Variants in HMG20A observed in about 807,000 individuals in gnomAD.
HMG20A encodes high mobility group 20A, also known as high mobility group protein 20A.
Under a neutral mutation model 43.9 loss-of-function variants are expected in HMG20A, and 17 were observed. That is an observed-to-expected ratio of 0.39 (90% CI 0.27 to 0.58). HMG20A has a LOEUF of 0.58. HMG20A is among the 20% of genes least tolerant of loss of function. HMG20A has a pLI of 0.59. For missense variants in HMG20A, 341 were observed against 438.2 expected, an observed-to-expected ratio of 0.78 and a Z score of 1.98; for synonymous variants, 132 against 147.5, an observed-to-expected ratio of 0.89 and a Z score of 0.76.
rs938996794 is a variant in HMG20A at position 77,464,277 on chromosome 15, A to G, written c.127A>G (p.Thr43Ala). 5.6e-6 allele frequency: 9 copies of G among 1,613,814 alleles called. No homozygotes were observed. Among genetic ancestry groups the G allele is most frequent in the African/African-American group, 5.3e-5 (4 of 74,914 alleles). ...HPEVPYSSGA[T>A]SSTNNPEFVE... is the part of the protein sequence containing the mutation. ...AGAGGTTCCATACAGTAGTGGCGCC[A>G]CATCATCCACCAACAATCCAGAATT... Residue 43 changes from threonine (T) to alanine (A), a missense_variant, in exon 3 of 10, where the codon ACA becomes GCA. Around this residue, in one of 3 missense-constraint regions of HMG20A, gnomAD observed 220 missense variants for 263.6 expected, o/e 0.83. Coordinates refer to ENST00000336216, the MANE Select transcript of HMG20A (RefSeq NM_001304504.2).
Position 77,484,462 on chromosome 15 carries a change from C to T in HMG20A, c.*1499C>T, listed in dbSNP as rs529153719. On this transcript the variant is annotated 3_prime_UTR_variant, in exon 10 of 10. Coordinates refer to ENST00000336216, the MANE Select transcript of HMG20A (RefSeq NM_001304504.2). ...CACTGCAGGCAGGTGGATAGAAGTG[C>T]GGCCCCTCTCATAGTATGCCCATAA... The T allele has an allele frequency of 3.3e-5, 5 of 152,666 alleles. No homozygotes were observed. Among genetic ancestry groups the T allele is most frequent in the South Asian group, 2.1e-4 (1 of 4,806 alleles). 9.5% of individuals were successfully genotyped at this position (152,666 alleles called of 1,614,324 possible).
downstream of HMG20A, among the ~76,000 whole-genome samples, chr15:77,486,053 A>G (rs1482703423): frequency 6.6e-6 from 1 of 152,250 alleles, no homozygotes; most frequent in Non-Finnish European, 1.5e-5. Flanking sequence ...CATTTTACTA[A>G]TTGCTACTTC....
At chr15:77,461,301 C>T (rs1189449728) in intron 2 of HMG20A, among the ~76,000 whole-genome samples, 1 of 152,020 alleles carries the variant, frequency 6.6e-6, no homozygotes, top group East Asian at 1.9e-4. Flanking sequence ...CAAGTTATTT[C>T]CAGGGGTTGT....
the HMG20A span, among the ~76,000 whole-genome samples, chr15:77,514,541 AAAGTG>A: frequency 6.6e-6 from 1 of 152,242 alleles, no homozygotes; most frequent in Non-Finnish European, 1.5e-5. Flanking sequence ...CCTGTTTCAA[AAAGTG>A]AAGTGTGGAG....
chr15:77,437,666 G>T (rs1266380412), intron 1 of HMG20A, among the ~76,000 whole-genome samples: 2 of 151,684 alleles, frequency 1.3e-5, no homozygotes, highest in Non-Finnish European at 2.9e-5. Flanking sequence ...CTGCCTCCTG[G>T]GTTCAAGCGA....
At chr15:77,500,828 C>T in the HMG20A span, among the ~76,000 whole-genome samples, 1 of 152,012 alleles carries the variant, frequency 6.6e-6, no homozygotes, top group East Asian at 1.9e-4. Context: ...CTTGGCCTCC[C>T]AAAGTGCTGG....
intron 5 of HMG20A, 101 bp from the exon 6 acceptor site, chr15:77,471,682 C>CAT: frequency 1.4e-6 from 1 of 738,610 alleles, no homozygotes; most frequent in Non-Finnish European, 2.4e-6. Flanking sequence ...TGAGAATCTA[C>CAT]ATATACAAGC....
chr15:77,431,308 T>C (rs1419322163), intron 1 of HMG20A, among the ~76,000 whole-genome samples: 1 of 152,168 alleles, frequency 6.6e-6, no homozygotes, highest in Non-Finnish European at 1.5e-5. Context: ...GCCTCCTGTG[T>C]TCAAGCGATT....
chr15:77,505,429 C>T, the HMG20A span, among the ~76,000 whole-genome samples: 1 of 152,170 alleles, frequency 6.6e-6, no homozygotes, highest in Non-Finnish European at 1.5e-5. Context: ...GAGCAAGACC[C>T]TGGCAAGGTC....
chr15:77,424,752 A>G (rs918723561), intron 1 of HMG20A, among the ~76,000 whole-genome samples: 2 of 152,196 alleles, frequency 1.3e-5, no homozygotes, highest in Admixed American at 6.5e-5. Flanking sequence ...ACTAATTTCC[A>G]TGATTAGAAG....
At chr15:77,502,511 A>T in the HMG20A span, among the ~76,000 whole-genome samples, 2 of 152,160 alleles carry the variant, frequency 1.3e-5, no homozygotes, top group African/African-American at 4.8e-5. Context: ...TAACACGTAA[A>T]GTTGGTGGAC....
intron 1 of HMG20A, among the ~76,000 whole-genome samples, chr15:77,453,991 G>A (rs958738562): frequency 1.4e-5 from 2 of 145,848 alleles, no homozygotes; most frequent in Admixed American, 6.9e-5. Flanking sequence ...GCAACATAGC[G>A]AAACCCTATC....
intron 1 of HMG20A, among the ~76,000 whole-genome samples, chr15:77,448,821 C>T (rs2073703899): frequency 1.3e-5 from 2 of 152,010 alleles, no homozygotes; most frequent in Admixed American, 6.5e-5. Context: ...CGGTGGCTCA[C>T]GCCTGTAATC....
chr15:77,487,972 C>T (rs1037793599), downstream of HMG20A, among the ~76,000 whole-genome samples: 1 of 152,108 alleles, frequency 6.6e-6, no homozygotes, highest in Non-Finnish European at 1.5e-5. Context: ...TTAGTTTTCA[C>T]AAGACTATGT....
chr15:77,423,765 A>C (rs1032626537), intron 1 of HMG20A, among the ~76,000 whole-genome samples: 1 of 152,070 alleles, frequency 6.6e-6, no homozygotes, highest in African/African-American at 2.4e-5. Context: ...ATGTTTTGCA[A>C]CTGTTGCTTT....
At chr15:77,435,150 G>C (rs781199585) in intron 1 of HMG20A, among the ~76,000 whole-genome samples, 2 of 152,126 alleles carry the variant, frequency 1.3e-5, no homozygotes, top group Admixed American at 1.3e-4. Flanking sequence ...CTTTTACAGG[G>C]ATAGTGAATG....
chr15:77,487,545 C>T (rs1455882800), downstream of HMG20A, among the ~76,000 whole-genome samples: 1 of 152,192 alleles, frequency 6.6e-6, no homozygotes, highest in African/African-American at 2.4e-5. Flanking sequence ...CTTCCCCTAC[C>T]CTACAACAGC....
chr15:77,516,967 C>T, the HMG20A span, among the ~76,000 whole-genome samples: 1 of 152,190 alleles, frequency 6.6e-6, no homozygotes, highest in Non-Finnish European at 1.5e-5. Context: ...CATCGCCTCC[C>T]CGCAGCATGG....
At chr15:77,490,396 A>G (rs764038567), downstream of HMG20A, among the ~76,000 whole-genome samples, 3 of 152,172 alleles carry the variant, frequency 2.0e-5, no homozygotes, top group Non-Finnish European at 2.9e-5. Context: ...TGGCATAGGA[A>G]CCCAAGTGAG....
Sources: gnomAD v4.1 joint callset for allele counts (sites outside exome capture counted in the v4.1 genomes callset) on GRCh38, gnomAD v4.1.1 for gene constraint, gnomAD v4.1.1 regional missense constraint, MANE v1.5 for transcripts, NCBI Gene and HGNC (gene_info 2026-07-23, HGNC 2026-07-21) for gene names.